PLPP4: variants seen among roughly 807,000 people sequenced by gnomAD.
PLPP4 encodes the protein phospholipid phosphatase 4, also known as diacylglycerol pyrophosphate like 2.
Under a neutral mutation model 32.2 loss-of-function variants are expected in PLPP4, and 20 were observed. The ratio of observed to expected loss-of-function variants is 0.62; its 90% CI spans 0.44 to 0.90. PLPP4 has a LOEUF of 0.90. PLPP4 is among the 40% of genes least tolerant of loss of function. The pLI, the probability that PLPP4 is intolerant of heterozygous loss-of-function variation, is 0.00. For missense variants in PLPP4, 257 were observed against 353.1 expected, an observed-to-expected ratio of 0.73 and a Z score of 2.18; for synonymous variants, 127 against 133.0, an observed-to-expected ratio of 0.95 and a Z score of 0.31.
At chr10:120,558,274 T>G in intron 5 of PLPP4, among the ~76,000 whole-genome samples, 1 of 152,018 alleles carries the variant, frequency 6.6e-6, no homozygotes, top group South Asian at 2.1e-4. Flanking sequence ...TAGTTTTTCC[T>G]GTTTTTGAAC....
Position 120,585,137 on chromosome 10 carries a change from T to C in PLPP4, c.617-4166T>C, listed in dbSNP as rs114586233. ...AATAGAAATACCTCATGGGACTGTT[T>C]CCTGGGGTTAGAGGAAAAACAAAAC... On this transcript the variant is annotated intron_variant, in intron 6 of 6. Coordinates refer to ENST00000398250, the MANE Select transcript of PLPP4 (RefSeq NM_001030059.3). Among the ~76,000 whole-genome samples the C allele has an allele frequency of 3.3e-3, 510 of 152,334 alleles. 3 individuals are homozygous for C. The highest frequency in any genetic ancestry group is 0.012 in the African/African-American group (482 of 41,574).
intron 1 of PLPP4, among the ~76,000 whole-genome samples, chr10:120,492,864 A>G (rs79049323): frequency 0.012 from 1,898 of 152,306 alleles, 39 homozygotes; most frequent in African/African-American, 0.043. Context: ...AGATATAGCA[A>G]TTGTTAACAT....
chr10:120,462,263 T>C (rs1848086485), intron 1 of PLPP4, among the ~76,000 whole-genome samples: 1 of 151,878 alleles, frequency 6.6e-6, no homozygotes. Context: ...GAAGGGAGCC[T>C]GGAAGGAGAA....
intron 5 of PLPP4, among the ~76,000 whole-genome samples, chr10:120,542,796 T>A (rs894518795): frequency 6.6e-6 from 1 of 152,208 alleles, no homozygotes; most frequent in African/African-American, 2.4e-5. Context: ...TCGATGATGC[T>A]TCATTGTGGG....
chr10:120,564,762 A>G (rs1365728127), intron 5 of PLPP4, among the ~76,000 whole-genome samples: 2 of 151,986 alleles, frequency 1.3e-5, no homozygotes, highest in Non-Finnish European at 2.9e-5. Context: ...ACAATCAAAC[A>G]TTAATATTTA....
chr10:120,558,100 TTAAC>T (rs1848242702), intron 5 of PLPP4, among the ~76,000 whole-genome samples: 1 of 151,544 alleles, frequency 6.6e-6, no homozygotes, highest in Admixed American at 6.6e-5. Flanking sequence ...GAGGTTGAAT[TTAAC>T]TATACCCTTA....
At chr10:120,582,931 G>A (rs2134077501) in intron 6 of PLPP4, among the ~76,000 whole-genome samples, 1 of 151,764 alleles carries the variant, frequency 6.6e-6, no homozygotes, top group Non-Finnish European at 1.5e-5. Context: ...ACTGTACCAG[G>A]GCTATTTTGC....
At chr10:120,561,427 A>T (rs1415768964) in intron 5 of PLPP4, among the ~76,000 whole-genome samples, 3 of 152,162 alleles carry the variant, frequency 2.0e-5, no homozygotes, top group Non-Finnish European at 4.4e-5. Flanking sequence ...TTTCATGTTC[A>T]TGTAAGGATG....
Position 120,483,323 on chromosome 10 carries a change from G to A in PLPP4, c.57-20495G>A, listed in dbSNP as rs576593020. Among the ~76,000 whole-genome samples, 9 of 152,218 alleles carry A rather than the reference G, an allele frequency of 5.9e-5. 1 individual carries two copies. Among genetic ancestry groups the A allele is most frequent in the Admixed American group, 5.9e-4 (9 of 15,294 alleles). ...ACAGCCTATCATGGGCCTTTACCTT[G>A]TGATGGTATGAGTCAGTTCTCCTGA... On this transcript the variant is annotated intron_variant, in intron 1 of 6. Transcript: ENST00000398250.
chr10:120,561,287 C>T (rs562979186), intron 5 of PLPP4, among the ~76,000 whole-genome samples: 2 of 152,154 alleles, frequency 1.3e-5, no homozygotes, highest in African/African-American at 4.8e-5. Flanking sequence ...TATAGTTTTG[C>T]TTTCTCCTCT....
chr10:120,547,319 A>G (rs989897060), intron 5 of PLPP4, among the ~76,000 whole-genome samples: 2 of 152,152 alleles, frequency 1.3e-5, no homozygotes, highest in South Asian at 2.1e-4. Flanking sequence ...ATGAGAACCT[A>G]TTATTTAATA....
In PLPP4 at chr10:120,512,245, C is replaced by A. The variant is rs11199374; in HGVS notation, c.166-1666C>A. On this transcript the variant is annotated intron_variant, in intron 2 of 6. Coordinates refer to ENST00000398250, the MANE Select transcript of PLPP4 (RefSeq NM_001030059.3). Reference sequence around the variant, plus strand: ...TGGACCTCTTAACTCAGGAGTGTTGCCCTTCTGAATAGCCCCCAGGGGAAT... The same window carrying A: ...TGGACCTCTTAACTCAGGAGTGTTGACCTTCTGAATAGCCCCCAGGGGAAT... Among the ~76,000 whole-genome samples the A allele has an allele frequency of 1.4e-3, 211 of 152,316 alleles. No individual in the cohort carries two copies. In the Middle Eastern group the frequency reaches 0.017, roughly 12 times the overall value.
chr10:120,539,364 T>A (rs944874624), intron 5 of PLPP4, among the ~76,000 whole-genome samples: 2 of 152,176 alleles, frequency 1.3e-5, no homozygotes, highest in African/African-American at 4.8e-5. Context: ...GGGCTTAAAA[T>A]GCCTGTCAAA....
intron 5 of PLPP4, among the ~76,000 whole-genome samples, chr10:120,569,040 A>G (rs1016624959): frequency 2.6e-4 from 40 of 152,250 alleles, no homozygotes; most frequent in African/African-American, 9.6e-4. Context: ...GGAGTTCAAG[A>G]CCAGCCTAGC....
At chr10:120,533,270 G>A (rs1431282147) in intron 5 of PLPP4, among the ~76,000 whole-genome samples, 3 of 152,134 alleles carry the variant, frequency 2.0e-5, no homozygotes, top group Non-Finnish European at 4.4e-5. Context: ...TGACTAATGA[G>A]GTTGAATACC....
chr10:120,478,648 A>G (rs1844043796), intron 1 of PLPP4, among the ~76,000 whole-genome samples: 1 of 152,324 alleles, frequency 6.6e-6, no homozygotes, highest in East Asian at 1.9e-4. Flanking sequence ...TCTTTACACA[A>G]GAGGTATGTC....
In PLPP4 at chr10:120,521,058, C is replaced by G; in HGVS notation, c.408C>G (p.Ser136=). The part of the protein sequence containing the change: ...MHCTGDPDLV[S]EGRKSFPSIH... ...GCACAGGTGACCCCGATCTGGTGTC[C>G]GAGGGCCGCAAAAGCTTCCCCAGCA... Residue 136 remains serine, a synonymous_variant, in exon 5 of 7, where the codon TCC becomes TCG. Transcript: ENST00000398250. 1 of 1,614,048 alleles carries G rather than the reference C, an allele frequency of 6.2e-7. No individual in the cohort carries two copies. The highest frequency in any genetic ancestry group is 8.5e-7 in the Non-Finnish European group (1 of 1,179,998).
At chr10:120,528,997 T>C (rs1031961281) in intron 5 of PLPP4, among the ~76,000 whole-genome samples, 1 of 151,976 alleles carries the variant, frequency 6.6e-6, no homozygotes, top group African/African-American at 2.4e-5. Flanking sequence ...TCCCTAATGA[T>C]TTTTTCCCTA....
intron 3 of PLPP4, among the ~76,000 whole-genome samples, chr10:120,516,044 G>C (rs1388558108): frequency 6.6e-6 from 1 of 152,142 alleles, no homozygotes; most frequent in Non-Finnish European, 1.5e-5. Context: ...AGAGAAGGTG[G>C]AATTATTGGA....
Sources: gnomAD v4.1 joint callset for allele counts (sites outside exome capture counted in the v4.1 genomes callset) on GRCh38, gnomAD v4.1.1 for gene constraint, MANE v1.5 for transcripts, NCBI Gene and HGNC (gene_info 2026-07-23, HGNC 2026-07-21) for gene names.